The following LINGO2 variants were observed in gnomAD, a reference collection of about 807,000 sequenced individuals.
LINGO2 encodes leucine-rich repeat and immunoglobulin-like domain-containing nogo receptor-interacting protein 2.
LINGO2 carries 14 observed loss-of-function variants against 30.6 expected under a neutral mutation model. The observed-to-expected ratio is 0.46, with a 90% CI of 0.30 to 0.72. LINGO2 has a LOEUF of 0.72. LINGO2 is among the 30% of genes least tolerant of loss of function. The pLI is 0.07. For synonymous variants in LINGO2, 317 were observed against 288.5 expected, an observed-to-expected ratio of 1.10 and a Z score of -1.00; for missense variants, 729 against 751.7, an observed-to-expected ratio of 0.97 and a Z score of 0.35.
the LINGO2 span, among the ~76,000 whole-genome samples, chr9:29,165,956 GAAAT>G: frequency 6.6e-6 from 1 of 151,968 alleles, no homozygotes; most frequent in Non-Finnish European, 1.5e-5. Context: ...ATTTCTCCAG[GAAAT>G]AAATAAAATT....
At chr9:29,137,881 T>C in the LINGO2 span, among the ~76,000 whole-genome samples, 1 of 152,046 alleles carries the variant, frequency 6.6e-6, no homozygotes, top group African/African-American at 2.4e-5. Context: ...AATTTTCTGA[T>C]CTGTAAAATG....
chr9:28,964,326 A>G, the LINGO2 span, among the ~76,000 whole-genome samples: 1 of 151,936 alleles, frequency 6.6e-6, no homozygotes, highest in Non-Finnish European at 1.5e-5. Flanking sequence ...AAATACACCA[A>G]AAAAGCTTCC....
chr9:28,692,115 A>C, the LINGO2 span, among the ~76,000 whole-genome samples: 2 of 152,122 alleles, frequency 1.3e-5, no homozygotes, highest in African/African-American at 2.4e-5. Context: ...TGGTATTTGC[A>C]CTATGATATT....
Position 28,288,812 on chromosome 9 carries a change from G to T in LINGO2, c.-87+6396C>A, listed in dbSNP as rs546871705. Reference sequence around the variant, plus strand: ...AGTTACATAGGTGAGAATGCCCACTGCTCTCTGCAGAGAGCAAGGGATGTA... The same window carrying T: ...AGTTACATAGGTGAGAATGCCCACTTCTCTCTGCAGAGAGCAAGGGATGTA... On this transcript the variant is annotated intron_variant, in intron 4 of 5. Coordinates refer to ENST00000379992, the Ensembl canonical transcript of LINGO2. 7.8e-4 allele frequency among the ~76,000 whole-genome samples: 119 copies of T among 152,270 alleles called. 1 individual carries two copies. The highest frequency in any genetic ancestry group is 3.4e-3 in the Middle Eastern group (1 of 294).
intron 4 of LINGO2, among the ~76,000 whole-genome samples, chr9:28,127,386 A>C (rs929476083): frequency 3.3e-5 from 5 of 152,234 alleles, no homozygotes; most frequent in African/African-American, 9.6e-5. Context: ...CATCAGCCTC[A>C]GTCAAGATGC....
the LINGO2 span, among the ~76,000 whole-genome samples, chr9:28,697,800 C>A: frequency 6.6e-6 from 1 of 151,972 alleles, no homozygotes; most frequent in East Asian, 1.9e-4. Context: ...AACCCCAGGG[C>A]GCTTCTTATT....
At chr9:28,332,791 A>T (rs1825468546) in intron 3 of LINGO2, among the ~76,000 whole-genome samples, 1 of 152,168 alleles carries the variant, frequency 6.6e-6, no homozygotes, top group Admixed American at 6.5e-5. Flanking sequence ...ATCCCTAAGT[A>T]GGAAAACCTG....
At chr9:28,774,574 T>A in the LINGO2 span, among the ~76,000 whole-genome samples, 7 of 150,386 alleles carry the variant, frequency 4.7e-5, no homozygotes, top group Non-Finnish European at 7.4e-5. Flanking sequence ...TTAAAAGATA[T>A]CTTGTCAGCT....
the LINGO2 span, among the ~76,000 whole-genome samples, chr9:29,019,287 G>A: frequency 6.6e-6 from 1 of 152,084 alleles, no homozygotes; most frequent in African/African-American, 2.4e-5. Context: ...TGTATGCTGT[G>A]AATGAAGAAA....
At chr9:28,742,222 G>C in the LINGO2 span, among the ~76,000 whole-genome samples, 1 of 151,160 alleles carries the variant, frequency 6.6e-6, no homozygotes, top group East Asian at 2.0e-4. Context: ...GCCTGGAGTT[G>C]GGAGAGGAAT....
the LINGO2 span, among the ~76,000 whole-genome samples, chr9:28,861,012 TATA>T: frequency 7.9e-6 from 1 of 127,014 alleles, no homozygotes; most frequent in African/African-American, 3.0e-5. Flanking sequence ...TAATATATAA[TATA>T]ATATATTATA....
chr9:28,883,578 GT>G, the LINGO2 span, among the ~76,000 whole-genome samples: 1 of 142,024 alleles, frequency 7.0e-6, no homozygotes, highest in African/African-American at 2.6e-5. Flanking sequence ...TCCCTTCAGT[GT>G]ATATTAATCA....
chr9:28,624,025 G>C (rs151323520), intron 1 of LINGO2, among the ~76,000 whole-genome samples: 1 of 151,932 alleles, frequency 6.6e-6, no homozygotes, highest in Non-Finnish European at 1.5e-5. Context: ...AGGTTGATTT[G>C]TATCTTGCAA....
chr9:28,154,666 G>T (rs917803539), intron 4 of LINGO2, among the ~76,000 whole-genome samples: 16 of 152,096 alleles, frequency 1.1e-4, no homozygotes, highest in Non-Finnish European at 2.1e-4. Flanking sequence ...ATAATCAAAG[G>T]TTATGAATTT....
At chr9:28,508,593 T>C (rs1385590029) in intron 1 of LINGO2, among the ~76,000 whole-genome samples, 1 of 152,156 alleles carries the variant, frequency 6.6e-6, no homozygotes, top group Non-Finnish European at 1.5e-5. Flanking sequence ...ACTACTGGAA[T>C]TAGTCTTTTG....
At chr9:28,905,319 T>C in the LINGO2 span, among the ~76,000 whole-genome samples, 1 of 148,704 alleles carries the variant, frequency 6.7e-6, no homozygotes, top group African/African-American at 2.5e-5. Context: ...ACTAAAAAAC[T>C]TCTAAACACC....
intron 5 of LINGO2, among the ~76,000 whole-genome samples, chr9:28,000,940 C>T (rs1406285103): frequency 6.6e-6 from 1 of 152,208 alleles, no homozygotes; most frequent in Admixed American, 6.6e-5. Context: ...CTTATTCAAA[C>T]AATGTCTAAA....
intron 1 of LINGO2, among the ~76,000 whole-genome samples, chr9:28,485,262 T>C (rs888698765): frequency 3.3e-5 from 5 of 152,114 alleles, no homozygotes; most frequent in Non-Finnish European, 5.9e-5. Context: ...TACTGGTTCA[T>C]TGGCTGATTC....
At chr9:28,576,529 G>A (rs7046017) in intron 1 of LINGO2, among the ~76,000 whole-genome samples, 89,291 of 151,974 alleles carry the variant, frequency 0.59, 26,630 homozygotes, top group East Asian at 0.68. Context: ...CAGATATTCC[G>A]GAATAACTGA....
Sources: gnomAD v4.1 joint callset for allele counts (sites outside exome capture counted in the v4.1 genomes callset) on GRCh38, gnomAD v4.1.1 for gene constraint, MANE v1.5 for transcripts, NCBI Gene and HGNC (gene_info 2026-07-23, HGNC 2026-07-21) for gene names.